Variants in BCOR observed in about 807,000 individuals in gnomAD.
BCOR encodes BCL-6 corepressor.
A neutral mutation model predicts 86.7 loss-of-function variants in BCOR; 10 were observed. That is an observed-to-expected ratio of 0.12 (90% CI 0.07 to 0.20). The LOEUF (loss-of-function observed/expected upper bound fraction) is 0.20, where lower values mean the gene tolerates loss of function less well. BCOR is among the 10% of genes least tolerant of loss of function. The pLI, the probability that BCOR is intolerant of heterozygous loss-of-function variation, is 1.00. For synonymous variants in BCOR, 611 were observed against 609.0 expected (o/e 1.00, Z -0.05); for missense variants, 1,259 against 1,452.1 (o/e 0.87, Z 2.16).
Position 40,107,797 on chromosome X carries a change from GCGCCCCTCCTCCTCC to G in BCOR, c.-40-29843_-40-29829del, listed in dbSNP as rs915670548. 7.9e-5 allele frequency among the ~76,000 whole-genome samples: 9 copies of G among 113,345 alleles called. No individual in the cohort carries two copies. The Admixed American group carries it at 8.3e-4, about 10-fold the overall frequency. Reference sequence around the variant, plus strand: ...TCACAGCCCCCTGGCTGGGGTGGCGGCGCCCCTCCTCCTCCCGCCCCTCTCCCGGGCCTGCGAGAT... The same window carrying G: ...TCACAGCCCCCTGGCTGGGGTGGCGGCGCCCCTCTCCCGGGCCTGCGAGAT... On this transcript the variant is annotated intron_variant, in intron 1 of 14. Transcript: ENST00000342274.
chrX:40,057,145 C>T lies in BCOR; in HGVS notation c.4595+10G>A. 1 of 1,210,455 alleles carries T rather than the reference C, an allele frequency of 8.3e-7. No individual in the cohort carries two copies. Among genetic ancestry groups the T allele is most frequent in the East Asian group, 3.0e-5 (1 of 33,853 alleles). On this transcript the variant is annotated intron_variant, in intron 11 of 14. Transcript: ENST00000378444. The stretch of plus-strand genomic sequence containing the variant: ...GCAGAGCCAGGCTGAGAACAAGACA[C>T]ATCACTGACCTGGTTCCATCCTGGG...
intron 1 of BCOR, among the ~76,000 whole-genome samples, chrX:40,079,618 A>G (rs772503403): frequency 8.9e-6 from 1 of 112,339 alleles, no homozygotes; most frequent in African/African-American, 3.2e-5. Flanking sequence ...AGAAATCTGC[A>G]GAGGCATCAG....
At chrX:40,139,383 T>TG (rs1937763849) in intron 1 of BCOR, among the ~76,000 whole-genome samples, 2 of 24,167 alleles carry the variant, frequency 8.3e-5, no homozygotes, top group Non-Finnish European at 1.4e-4. Context: ...TATATATATA[T>TG]AATATATATA....
Position 40,074,364 on chromosome X carries a change from C to T in BCOR, c.982G>A (p.Asp328Asn), listed in dbSNP as rs1485465142. ...AKAVTSGLPG[D>N]TALLLPPSPR... ...GAGGGGGGCAACAGGAGAGCTGTGT[C>T]CCCCGGCAGGCCACTGGTGACCGCC... Residue 328 changes from aspartate to asparagine, a missense_variant, in exon 4 of 15, where the codon GAC becomes AAC. Physicochemically the swap from Asp to Asn is conservative, Grantham distance 23 (BLOSUM62 1). Coordinates refer to ENST00000378444, the MANE Select transcript of BCOR (RefSeq NM_001123385.2). 2 of 1,209,752 alleles carry T rather than the reference C, an allele frequency of 1.7e-6. No individual in the cohort carries two copies. Among genetic ancestry groups the T allele is most frequent in the Non-Finnish European group, 1.1e-6 (1 of 894,954 alleles).
Position 40,075,028 on chromosome X carries a change from T to C in BCOR, c.318A>G (p.Thr106=), listed in dbSNP as rs1301159994. Residue 106 remains threonine (T), a synonymous_variant, in exon 4 of 15, where the codon ACA becomes ACG. Coordinates refer to ENST00000378444, the MANE Select transcript of BCOR (RefSeq NM_001123385.2). ...LGSEKGREAA[T]STLGGLGFSS... Reference sequence around the variant, plus strand: ...AAAACCCAAGGCCACCTAGAGTGCTTGTGGCAGCCTCCCGACCTTTCTCTG... The same window carrying C: ...AAAACCCAAGGCCACCTAGAGTGCTCGTGGCAGCCTCCCGACCTTTCTCTG... 2 of 1,203,924 alleles carry C rather than the reference T, an allele frequency of 1.7e-6. No homozygotes were observed. The highest frequency in any genetic ancestry group is 2.2e-6 in the Non-Finnish European group (2 of 892,054).
Position 40,074,691 on chromosome X carries a change from T to C in BCOR, c.655A>G (p.Lys219Glu). 8.3e-7 allele frequency: 1 copy of C among 1,211,489 alleles called. No homozygotes were observed. The highest frequency in any genetic ancestry group is 1.1e-6 in the Non-Finnish European group (1 of 895,429). The change falls in exon 4 of 15, where the codon AAG becomes GAG. Residue 219 changes from lysine to glutamate, a missense_variant. Lys to Glu is a moderately conservative substitution (Grantham distance 56). Transcript: ENST00000378444. ...TAGGACTGCTGAGGTAGCAAGGCCTTGTACATGTTCAGTGAATACTTATTT... is the reference window on the plus strand; with the variant it reads ...TAGGACTGCTGAGGTAGCAAGGCCTCGTACATGTTCAGTGAATACTTATTT... ...SPNKYSLNMY[K>E]ALLPQQSYSL...
At chrX:40,079,426 G>A (rs1935974699) in intron 1 of BCOR, among the ~76,000 whole-genome samples, 1 of 111,954 alleles carries the variant, frequency 8.9e-6, no homozygotes, top group African/African-American at 3.3e-5. Flanking sequence ...GAATCCCAAA[G>A]CCGGTCTGTA....
intron 1 of BCOR, among the ~76,000 whole-genome samples, chrX:40,129,080 G>A (rs1036583377): frequency 3.6e-5 from 4 of 111,748 alleles, no homozygotes; most frequent in African/African-American, 6.5e-5. Context: ...TCCTGAGGTC[G>A]CAGAGCTAGT....
rs1935888815 is a variant in BCOR, at chrX:40,077,897, A to G, written c.33T>C (p.Val11=). The G allele has an allele frequency of 3.3e-6, 4 of 1,212,012 alleles. No homozygotes were observed. In the South Asian group the frequency reaches 7.0e-5, roughly 21 times the overall value. The change falls in exon 2 of 15, where the codon GTT becomes GTC. Residue 11 remains valine (V), a synonymous_variant. Transcript: ENST00000378444. MLSATPLYGN[V]HSWMNSERVR... Reference sequence around the variant, plus strand: ...CCCTCTCGCTGTTCATCCAGCTGTGAACGTTCCCATACAGGGGGGTTGCTG... The same window carrying G: ...CCCTCTCGCTGTTCATCCAGCTGTGGACGTTCCCATACAGGGGGGTTGCTG...
At chrX:40,093,214 C>T (rs559873970) in intron 1 of BCOR, among the ~76,000 whole-genome samples, 3 of 112,214 alleles carry the variant, frequency 2.7e-5, no homozygotes, top group Admixed American at 9.4e-5. Flanking sequence ...ATTTGGGCAA[C>T]GGAGCCCAAG....
intron 1 of BCOR, among the ~76,000 whole-genome samples, chrX:40,125,480 T>C (rs1392216025): frequency 9.0e-6 from 1 of 111,572 alleles, no homozygotes; most frequent in African/African-American, 3.3e-5. Context: ...GTGATCCATC[T>C]GCCTCGACCT....
upstream of BCOR, among the ~76,000 whole-genome samples, chrX:40,098,075 C>T (rs1936983662): frequency 1.1e-5 from 1 of 87,939 alleles, no homozygotes; most frequent in Non-Finnish European, 2.3e-5. Flanking sequence ...CTCCCAACAG[C>T]CGCCTCCCCT....
chrX:40,161,805 G>A (rs1356179207), intron 1 of BCOR, among the ~76,000 whole-genome samples: 2 of 112,014 alleles, frequency 1.8e-5, no homozygotes, highest in Non-Finnish European at 3.8e-5. Context: ...GAGCCACCGC[G>A]CCTAGCCCTG....
chrX:40,102,035 T>C (rs755070036), upstream of BCOR, among the ~76,000 whole-genome samples: 2 of 111,970 alleles, frequency 1.8e-5, no homozygotes, highest in South Asian at 3.7e-4. Context: ...ACAGCTGGCT[T>C]CCCCTCTGAA....
chrX:40,176,252 C>T (rs762164831), intron 1 of BCOR, among the ~76,000 whole-genome samples: 1 of 112,661 alleles, frequency 8.9e-6, no homozygotes, highest in Non-Finnish European at 1.9e-5. Context: ...CCCGCGTCTT[C>T]CCTCGCCCGC....
At chrX:40,094,482 C>T (rs1336917042) in intron 1 of BCOR, among the ~76,000 whole-genome samples, 2 of 113,079 alleles carry the variant, frequency 1.8e-5, no homozygotes, top group Non-Finnish European at 3.8e-5. Context: ...CTCCGGCCCC[C>T]CGCGCTCCCA....
At chrX:40,096,407 G>T (rs1050487475) in intron 1 of BCOR, among the ~76,000 whole-genome samples, 2 of 112,616 alleles carry the variant, frequency 1.8e-5, no homozygotes, top group Non-Finnish European at 3.8e-5. Context: ...AAAGCGGGAG[G>T]GGGATCGCAG....
In BCOR at chrX:40,139,494, TA is replaced by T. The variant is rs1309482941; in HGVS notation, c.-41+37512del. 9.0e-4 allele frequency among the ~76,000 whole-genome samples: 10 copies of T among 11,105 alleles called. 2 individuals carry two copies. The highest frequency in any genetic ancestry group is 1.1e-3 in the Non-Finnish European group (8 of 7,087). 9.6% of individuals were successfully genotyped at this position (11,105 alleles called of 115,157 possible). A position where few individuals can be genotyped will look rare whatever the true frequency, so the allele number is the denominator to read the frequency against. On this transcript the variant is annotated intron_variant, in intron 1 of 14. Coordinates refer to the BCOR transcript ENST00000342274. The stretch of plus-strand genomic sequence containing the variant: ...ATATATATATATATATATATATATA[TA>T]TATTTTTTTTTTTTTTTAAGCATCA...
chrX:40,159,995 CTG>C (rs1297307491), intron 1 of BCOR, among the ~76,000 whole-genome samples: 2 of 112,627 alleles, frequency 1.8e-5, no homozygotes, highest in Non-Finnish European at 3.7e-5. Flanking sequence ...AAAGTAAACA[CTG>C]GATATGAATT....
Sources: allele counts gnomAD v4.1 joint callset (sites outside exome capture counted in the v4.1 genomes callset), GRCh38; gene constraint gnomAD v4.1.1; transcripts MANE v1.5; gene names NCBI Gene and HGNC (gene_info 2026-07-23, HGNC 2026-07-21).